The following CSMD1 variants were observed in gnomAD, a reference collection of about 807,000 sequenced individuals.
The protein encoded by CSMD1 is CUB and sushi domain-containing protein 1.
In CSMD1, 213 loss-of-function variants were observed where a neutral mutation model predicts 417.5. The observed-to-expected ratio is 0.51, with a 90% CI of 0.46 to 0.57. The LOEUF (loss-of-function observed/expected upper bound fraction) is 0.57. Among genes scored for constraint, CSMD1 ranks in the 20% least tolerant of loss-of-function variants. The pLI is 0.00. For missense variants in CSMD1, 6,923 were observed against 4,529.7 expected (o/e 1.53, Z -15.17); for synonymous variants, 2,862 against 1,736.8 (o/e 1.65, Z -16.11).
intron 3 of CSMD1, among the ~76,000 whole-genome samples, chr8:4,190,146 C>T (rs1326694407): frequency 6.6e-6 from 1 of 150,874 alleles, no homozygotes; most frequent in African/African-American, 2.4e-5. Context: ...GTGGTCCCAG[C>T]TACTCAGGAG....
intron 3 of CSMD1, among the ~76,000 whole-genome samples, chr8:4,155,862 A>C (rs1479452822): frequency 1.3e-5 from 2 of 152,158 alleles, no homozygotes; most frequent in African/African-American, 2.4e-5. Context: ...GAAACAACAA[A>C]AAAGTGCCAT....
chr8:3,626,141 T>C (rs1796481623), intron 7 of CSMD1, among the ~76,000 whole-genome samples: 1 of 152,202 alleles, frequency 6.6e-6, no homozygotes, highest in Non-Finnish European at 1.5e-5. Context: ...GGAATGTATA[T>C]TGGCAGCACC....
At chr8:4,017,943 C>A (rs576235448) in intron 4 of CSMD1, among the ~76,000 whole-genome samples, 3 of 152,104 alleles carry the variant, frequency 2.0e-5, no homozygotes, top group South Asian at 2.1e-4. Context: ...TGGTTGCACA[C>A]AATGGGCAAC....
chr8:3,908,412 G>C (rs1000586342), intron 5 of CSMD1, among the ~76,000 whole-genome samples: 13 of 152,152 alleles, frequency 8.5e-5, no homozygotes, highest in African/African-American at 2.9e-4. Flanking sequence ...TCAGCATTCT[G>C]TGGGAATGTA....
At chr8:2,997,886 T>A in intron 54 of CSMD1, 125 bp downstream of exon 54, 1 of 860,546 alleles carries the variant, frequency 1.2e-6, no homozygotes, top group Non-Finnish European at 1.7e-6. Flanking sequence ...CACACCTGAA[T>A]GGTGAGAGTT....
chr8:3,722,299 C>A (rs952574379), intron 6 of CSMD1, among the ~76,000 whole-genome samples: 1 of 152,194 alleles, frequency 6.6e-6, no homozygotes, highest in African/African-American at 2.4e-5. Context: ...CAGAGTGAGA[C>A]TCCATCTCAA....
In CSMD1 at chr8:3,873,807, A is replaced by G. The variant is rs561814676; in HGVS notation, c.819-119765T>C. Reference sequence around the variant, plus strand: ...GCCCTTGATTAGACTGGGAGAAAGAAAAGCACACATGGTCACGGTGTTTGT... The same window carrying G: ...GCCCTTGATTAGACTGGGAGAAAGAGAAGCACACATGGTCACGGTGTTTGT... On this transcript the variant is annotated intron_variant, in intron 5 of 69. Coordinates refer to ENST00000635120, the MANE Select transcript of CSMD1 (RefSeq NM_033225.6). Among the ~76,000 whole-genome samples, 275 of 152,310 alleles carry G rather than the reference A, an allele frequency of 1.8e-3. 1 individual carries two copies. The highest frequency in any genetic ancestry group is 1.7e-3 in the Non-Finnish European group (115 of 68,022).
intron 3 of CSMD1, among the ~76,000 whole-genome samples, chr8:4,051,535 C>A (rs2554546): frequency 9.2e-5 from 14 of 152,108 alleles, no homozygotes; most frequent in Non-Finnish European, 2.1e-4. Context: ...AACTTCGAAT[C>A]AGCAGAGAAA....
intron 1 of CSMD1, among the ~76,000 whole-genome samples, chr8:4,853,606 C>A (rs185933348): frequency 2.2e-3 from 333 of 152,280 alleles, no homozygotes; most frequent in African/African-American, 7.8e-3. Context: ...TAGGGCAGTG[C>A]CAAAGGGAAA....
chr8:4,421,806 G>T (rs1409172122), intron 2 of CSMD1, among the ~76,000 whole-genome samples: 1 of 150,956 alleles, frequency 6.6e-6, no homozygotes, highest in South Asian at 2.1e-4. Context: ...AAAGCAAACA[G>T]AAAGCAAAAA....
chr8:3,355,905 C>A (rs1014190756), intron 21 of CSMD1, among the ~76,000 whole-genome samples: 2 of 152,066 alleles, frequency 1.3e-5, no homozygotes, highest in African/African-American at 2.4e-5. Context: ...AGGGTTTGAG[C>A]ATTGAGGTTG....
intron 4 of CSMD1, among the ~76,000 whole-genome samples, chr8:4,007,348 C>G (rs1426989269): frequency 1.3e-5 from 2 of 152,206 alleles, no homozygotes; most frequent in Non-Finnish European, 2.9e-5. Context: ...CCCATTTCCT[C>G]TTTTCCTCAC....
chr8:3,095,980 T>C (rs1379288683), intron 47 of CSMD1, among the ~76,000 whole-genome samples: 1 of 152,184 alleles, frequency 6.6e-6, no homozygotes, highest in East Asian at 1.9e-4. Context: ...TCCTGTAGCA[T>C]TTATCATCTA....
At chr8:3,089,161 A>C (rs1814750223) in intron 48 of CSMD1, among the ~76,000 whole-genome samples, 1 of 152,240 alleles carries the variant, frequency 6.6e-6, no homozygotes, top group Non-Finnish European at 1.5e-5. Context: ...AGAGGAATTC[A>C]GAGGAGCAGG....
At chr8:3,496,389 G>A (rs1005191434) in intron 10 of CSMD1, among the ~76,000 whole-genome samples, 3 of 152,084 alleles carry the variant, frequency 2.0e-5, no homozygotes, top group African/African-American at 7.2e-5. Context: ...GCTCGTGGAG[G>A]GAAGCACTGG....
chr8:4,604,389 G>GTC (rs1563326871), intron 2 of CSMD1, among the ~76,000 whole-genome samples: 4 of 78,912 alleles, frequency 5.1e-5, no homozygotes, highest in South Asian at 4.6e-4. Flanking sequence ...CATTGTGTGT[G>GTC]TGTGTGTGTG....
intron 46 of CSMD1, among the ~76,000 whole-genome samples, chr8:3,103,129 T>C (rs987592647): frequency 2.6e-5 from 4 of 152,190 alleles, no homozygotes; most frequent in African/African-American, 9.7e-5. Context: ...AGTTAATCAC[T>C]TATGTCTTTA....
chr8:3,227,368 A>T lies in CSMD1; in HGVS notation c.4345+2672T>A, dbSNP rs1174178289. On this transcript the variant is annotated intron_variant, in intron 27 of 69. Transcript: ENST00000635120. ...AGTCGAAATCATGCCCCTGCACTCC[A>T]GCCTCGGCAACTGAGTGAGACTCTA... Among the ~76,000 whole-genome samples, 5 of 152,156 alleles carry T rather than the reference A, an allele frequency of 3.3e-5. No homozygotes were observed. In the East Asian group the frequency reaches 9.6e-4, roughly 29 times the overall value.
intron 9 of CSMD1, among the ~76,000 whole-genome samples, chr8:3,578,085 G>C (rs867999347): frequency 6.6e-6 from 1 of 152,190 alleles, no homozygotes; most frequent in Non-Finnish European, 1.5e-5. Context: ...TCATAGTGGA[G>C]AGAGAAGAGC....
Sources: allele counts gnomAD v4.1 joint callset (sites outside exome capture counted in the v4.1 genomes callset), GRCh38; gene constraint gnomAD v4.1.1; transcripts MANE v1.5; gene names NCBI Gene and HGNC (gene_info 2026-07-23, HGNC 2026-07-21).